Variants in GLRA3 observed in about 807,000 individuals in gnomAD.
GLRA3 encodes glycine receptor alpha 3.
Under a neutral mutation model 60.4 loss-of-function variants are expected in GLRA3, and 44 were observed. The ratio of observed to expected loss-of-function variants is 0.73; its 90% CI spans 0.57 to 0.94. The LOEUF is 0.94. Ranked by LOEUF, GLRA3 falls within the 40% of genes least tolerant of loss-of-function variation. The pLI is 0.00. For missense variants in GLRA3, 508 were observed against 564.6 expected (o/e 0.90, Z 1.02); for synonymous variants, 223 against 192.9 (o/e 1.16, Z -1.29).
chr4:174,652,122 T>G (rs1314363082), intron 9 of GLRA3, among the ~76,000 whole-genome samples: 3 of 152,140 alleles, frequency 2.0e-5, no homozygotes, highest in Admixed American at 2.0e-4. Context: ...CACTGAAATA[T>G]TTTATTACTA....
chr4:174,828,993 A>G lies in GLRA3; in HGVS notation c.-182T>C. On this transcript the variant is annotated 5_prime_UTR_variant, in exon 1 of 10. Transcript: ENST00000274093. Reference sequence around the variant, plus strand: ...GGACCCCTTCTCAGCATTGAGCAGAAGTGGAGAGTCACAGTGTTATAAATG... The same window carrying G: ...GGACCCCTTCTCAGCATTGAGCAGAGGTGGAGAGTCACAGTGTTATAAATG... The G allele has an allele frequency of 1.7e-6, 1 of 586,074 alleles. No individual in the cohort carries two copies. The allele number at this position is 586,074 out of a possible 1,614,324, so 36.3% of individuals were successfully genotyped here.
chr4:174,728,421 A>G (rs1736403375), intron 4 of GLRA3, 54 bp downstream of exon 4: 2 of 989,524 alleles, frequency 2.0e-6, no homozygotes, highest in African/African-American at 1.6e-5. Flanking sequence ...CCAACCAACA[A>G]TACACCATGA....
At chr4:174,756,926 G>A (rs1737739240) in intron 3 of GLRA3, among the ~76,000 whole-genome samples, 1 of 152,200 alleles carries the variant, frequency 6.6e-6, no homozygotes, top group African/African-American at 2.4e-5. Context: ...GATTACAGGC[G>A]TGAGCCCCCG....
chr4:174,787,540 A>G (rs1409335874), intron 2 of GLRA3, among the ~76,000 whole-genome samples: 1 of 141,406 alleles, frequency 7.1e-6, no homozygotes, highest in South Asian at 2.4e-4. Context: ...TTTCATTTGT[A>G]TATTGTACCC....
chr4:174,806,050 A>G (rs1183838946), intron 1 of GLRA3, among the ~76,000 whole-genome samples: 1 of 152,148 alleles, frequency 6.6e-6, no homozygotes, highest in African/African-American at 2.4e-5. Flanking sequence ...AGATCAGGTG[A>G]AAGGTATAGC....
chr4:174,733,902 C>T, intron 3 of GLRA3, among the ~76,000 whole-genome samples: 1 of 152,088 alleles, frequency 6.6e-6, no homozygotes, highest in Non-Finnish European at 1.5e-5. Context: ...ATAAAAACAC[C>T]ACTCAATTTG....
At chr4:174,775,916 C>T (rs1307926104) in intron 2 of GLRA3, among the ~76,000 whole-genome samples, 1 of 151,488 alleles carries the variant, frequency 6.6e-6, no homozygotes, top group African/African-American at 2.4e-5. Context: ...AGTTTAATGA[C>T]ATAAAATATA....
intron 1 of GLRA3, among the ~76,000 whole-genome samples, chr4:174,789,391 C>T (rs1376881998): frequency 6.6e-6 from 1 of 152,008 alleles, no homozygotes; most frequent in Non-Finnish European, 1.5e-5. Context: ...CAGTAAAAAA[C>T]TTCTGTCTAA....
At chr4:174,827,676 CCAT>C (rs1741032736) in intron 1 of GLRA3, among the ~76,000 whole-genome samples, 2 of 151,754 alleles carry the variant, frequency 1.3e-5, no homozygotes, top group Admixed American at 1.3e-4. Context: ...GAAATAATAA[CCAT>C]CACAGTTTCT....
At chr4:174,760,104 G>A (rs1737880036) in intron 3 of GLRA3, among the ~76,000 whole-genome samples, 1 of 152,248 alleles carries the variant, frequency 6.6e-6, no homozygotes, top group Non-Finnish European at 1.5e-5. Context: ...TCAGAATATT[G>A]TGTGTGTATG....
chr4:174,683,373 C>T (rs113301086), intron 5 of GLRA3, among the ~76,000 whole-genome samples: 18,728 of 150,370 alleles, frequency 0.12, 1,485 homozygotes, highest in Middle Eastern at 0.19. Context: ...TTTTTTGAGA[C>T]GGAGTCTCAC....
At chr4:174,738,173 A>G (rs1243101232) in intron 3 of GLRA3, among the ~76,000 whole-genome samples, 1 of 152,218 alleles carries the variant, frequency 6.6e-6, no homozygotes, top group Non-Finnish European at 1.5e-5. Context: ...ATCATTGAAT[A>G]TTGCTGCCTC....
intron 5 of GLRA3, among the ~76,000 whole-genome samples, chr4:174,697,621 C>T (rs1487024935): frequency 3.3e-5 from 5 of 152,168 alleles, no homozygotes; most frequent in African/African-American, 4.8e-5. Flanking sequence ...TCTAAAACTT[C>T]TGGTATAGCT....
At chr4:174,703,798 G>A (rs1243207819) in intron 5 of GLRA3, among the ~76,000 whole-genome samples, 1 of 152,134 alleles carries the variant, frequency 6.6e-6, no homozygotes, top group Non-Finnish European at 1.5e-5. Flanking sequence ...AGACTGAAGG[G>A]TATGTTTTCT....
At chr4:174,747,127 C>T (rs1358607652) in intron 3 of GLRA3, among the ~76,000 whole-genome samples, 3 of 152,144 alleles carry the variant, frequency 2.0e-5, no homozygotes, top group African/African-American at 7.2e-5. Context: ...CTTTGTGGCT[C>T]TTTCCTTGAA....
chr4:174,806,999 C>A lies in GLRA3; in HGVS notation c.72-18056G>T, dbSNP rs141103898. The stretch of plus-strand genomic sequence containing the variant: ...TAAACAAAATAAACATATACATAAT[C>A]AAGACAGTTAGAGACTGCTCTATGT... On this transcript the variant is annotated intron_variant, in intron 1 of 9. Transcript: ENST00000274093. Among the ~76,000 whole-genome samples, 75 of 152,036 alleles carry A rather than the reference C, an allele frequency of 4.9e-4. 1 individual carries two copies. The East Asian group carries it at 0.013, about 27-fold the overall frequency.
At chr4:174,685,136 G>T (rs1734505618) in intron 5 of GLRA3, among the ~76,000 whole-genome samples, 6 of 152,200 alleles carry the variant, frequency 3.9e-5, no homozygotes, top group Admixed American at 3.9e-4. Flanking sequence ...AAGAGGCTAT[G>T]TGAGTGACTG....
At chr4:174,791,999 A>G (rs1295822016) in intron 1 of GLRA3, among the ~76,000 whole-genome samples, 2 of 152,198 alleles carry the variant, frequency 1.3e-5, no homozygotes, top group African/African-American at 2.4e-5. Flanking sequence ...TCTAGAACCA[A>G]TAAGTGACTC....
At chr4:174,685,855 G>A (rs899793784) in intron 5 of GLRA3, among the ~76,000 whole-genome samples, 7 of 152,088 alleles carry the variant, frequency 4.6e-5, no homozygotes, top group Non-Finnish European at 1.0e-4. Context: ...CAAAATATAT[G>A]AGATTGTGTC....
Sources: gnomAD v4.1 joint callset for allele counts (sites outside exome capture counted in the v4.1 genomes callset) on GRCh38, gnomAD v4.1.1 for gene constraint, MANE v1.5 for transcripts, NCBI Gene and HGNC (gene_info 2026-07-23, HGNC 2026-07-21) for gene names.